CAMTA1: variants seen among roughly 807,000 people sequenced by gnomAD.
The protein encoded by CAMTA1 is calmodulin binding transcription activator 1, also known as calmodulin-binding transcription activator 1.
CAMTA1 carries 27 observed loss-of-function variants against 170.9 expected under a neutral mutation model. That is an observed-to-expected ratio of 0.16 (90% confidence interval 0.12 to 0.22). The LOEUF is 0.22. Ranked by LOEUF, CAMTA1 falls within the 10% of genes least tolerant of loss-of-function variation. The pLI is 1.00. For synonymous variants in CAMTA1, 833 were observed against 891.5 expected (o/e 0.93, Z 1.17); for missense variants, 1,619 against 2,217.2 (o/e 0.73, Z 5.42).
chr1:6,902,937 A>G (rs899939032), intron 3 of CAMTA1, among the ~76,000 whole-genome samples: 2 of 152,236 alleles, frequency 1.3e-5, no homozygotes, highest in African/African-American at 4.8e-5. Flanking sequence ...ATACATGTAC[A>G]CCATGATCCA....
chr1:7,078,377 A>C (rs1639587574), intron 3 of CAMTA1, among the ~76,000 whole-genome samples: 1 of 152,158 alleles, frequency 6.6e-6, no homozygotes, highest in African/African-American at 2.4e-5. Flanking sequence ...GAGGTGAAGG[A>C]GGGTTGGTGT....
At chr1:7,514,525 T>C (rs1367112924) in intron 6 of CAMTA1, among the ~76,000 whole-genome samples, 1 of 152,200 alleles carries the variant, frequency 6.6e-6, no homozygotes, top group Non-Finnish European at 1.5e-5. Flanking sequence ...GGAGGTGGCC[T>C]CCTGGAAAGA....
Position 7,665,058 on chromosome 1 carries a change from G to T in CAMTA1, c.2511G>T (p.Glu837Asp), listed in dbSNP as rs2095989421. 2 of 1,574,138 alleles carry T rather than the reference G, an allele frequency of 1.3e-6. No individual in the cohort carries two copies. The highest frequency in any genetic ancestry group is 4.5e-5 in the East Asian group (2 of 44,486). Residue 837 changes from glutamate (E) to aspartate (D), a missense_variant, in exon 9 of 23, where the codon GAG (glutamate) becomes GAT (aspartate). Transcript: ENST00000303635. This position sits in a 1 kb window ranked among gnomAD's most constrained non-coding sequence, Gnocchi z 4.3. ...GTAGCCTGCAGCTGAGCAGCTCGGA[G>T]GGCGGGGCCAGCACCATGGCCTACA... The part of the protein sequence containing the change: ...QQGSLQLSSS[E>D]GGASTMAYMH...
chr1:7,204,830 C>CTTTTTTTT (rs367812076), intron 4 of CAMTA1, among the ~76,000 whole-genome samples: 200 of 86,774 alleles, frequency 2.3e-3, no homozygotes, highest in Non-Finnish European at 3.0e-3. Flanking sequence ...TTCTTTTTTT[C>CTTTTTTTT]TTTTTTTTTT....
chr1:7,549,424 C>T (rs1335891958), intron 6 of CAMTA1, among the ~76,000 whole-genome samples: 1 of 152,110 alleles, frequency 6.6e-6, no homozygotes, highest in African/African-American at 2.4e-5. Context: ...CCTTGGCCAC[C>T]TCCCTCATCC....
At chr1:6,924,671 T>C (rs1253041693) in intron 3 of CAMTA1, among the ~76,000 whole-genome samples, 2 of 152,320 alleles carry the variant, frequency 1.3e-5, no homozygotes, top group African/African-American at 4.8e-5. Flanking sequence ...GTCAGCTGTA[T>C]TTACTAAGAA....
intron 3 of CAMTA1, among the ~76,000 whole-genome samples, chr1:6,958,316 G>T (rs1319135759): frequency 6.6e-6 from 1 of 152,202 alleles, no homozygotes; most frequent in Non-Finnish European, 1.5e-5. Context: ...CACCAGCAGG[G>T]AGTCATGGCC....
rs1318097492 is a variant in CAMTA1, at chr1:7,561,997, G to T, written c.511-78403G>T. On this transcript the variant is annotated intron_variant, in intron 6 of 22. Coordinates refer to ENST00000303635, the MANE Select transcript of CAMTA1 (RefSeq NM_015215.4). This position sits in a 1 kb window ranked among gnomAD's most constrained non-coding sequence, Gnocchi z 5.3. ...GAAGAGCAAACGCAGTCTCCAGAGA[G>T]ATCATGAGGCTTTCTGCAGACTTTG... 6.6e-6 allele frequency among the ~76,000 whole-genome samples: 1 copy of T among 152,192 alleles called. No homozygotes were observed. The highest frequency in any genetic ancestry group is 2.4e-5 in the African/African-American group (1 of 41,448).
At chr1:7,755,605 A>G in intron 21 of CAMTA1, 33 bp from the exon 22 acceptor site, 2 of 1,587,240 alleles carry the variant, frequency 1.3e-6, no homozygotes, top group Non-Finnish European at 1.7e-6. Context: ...CTCATGTGCT[A>G]ATAGCTCTCT....
chr1:6,821,211 G>A (rs1055395376), intron 2 of CAMTA1, among the ~76,000 whole-genome samples: 4 of 152,110 alleles, frequency 2.6e-5, no homozygotes, highest in African/African-American at 9.7e-5. Flanking sequence ...AAAATCTTTT[G>A]TAGAATTACT....
At chr1:7,000,272 C>T (rs553338678) in intron 3 of CAMTA1, among the ~76,000 whole-genome samples, 3 of 152,380 alleles carry the variant, frequency 2.0e-5, no homozygotes, top group African/African-American at 7.2e-5. Flanking sequence ...AGGACCCACT[C>T]ATGCTTGTCT....
At chr1:7,658,519 C>T (rs1448324866) in intron 7 of CAMTA1, among the ~76,000 whole-genome samples, 1 of 152,184 alleles carries the variant, frequency 6.6e-6, no homozygotes, top group East Asian at 1.9e-4. Context: ...ACTGCCTGTG[C>T]AGCGGTACAG....
At chr1:7,326,969 A>G (rs2082721702) in intron 5 of CAMTA1, among the ~76,000 whole-genome samples, 1 of 152,172 alleles carries the variant, frequency 6.6e-6, no homozygotes, top group African/African-American at 2.4e-5. Context: ...CAAGCGAACA[A>G]AAAAGGATGA....
At chr1:7,329,045 G>C (rs1374252939) in intron 5 of CAMTA1, among the ~76,000 whole-genome samples, 1 of 152,002 alleles carries the variant, frequency 6.6e-6, no homozygotes, top group African/African-American at 2.4e-5. Context: ...CTGCACCAGA[G>C]ACAAAATCAA....
At chr1:6,977,763 C>G (rs957657936) in intron 3 of CAMTA1, among the ~76,000 whole-genome samples, 2 of 152,124 alleles carry the variant, frequency 1.3e-5, no homozygotes, top group African/African-American at 4.8e-5. Flanking sequence ...GAGTGCTTAG[C>G]CTAAGTCACG....
intron 3 of CAMTA1, among the ~76,000 whole-genome samples, chr1:6,895,465 G>C (rs1437143825): frequency 1.3e-5 from 2 of 152,152 alleles, no homozygotes; most frequent in Non-Finnish European, 2.9e-5. Flanking sequence ...GCTCCCCTTG[G>C]AATAGATTCC....
chr1:7,766,358 T>C (rs2097024681), intron 22 of CAMTA1, 101 bp from the exon 23 acceptor site: 1 of 1,072,692 alleles, frequency 9.3e-7, no homozygotes, highest in Non-Finnish European at 1.4e-6. Flanking sequence ...GTTTTAGTCT[T>C]GGCTTTTCAG....
chr1:6,800,002 C>G (rs1256345527), intron 1 of CAMTA1, among the ~76,000 whole-genome samples: 1 of 152,130 alleles, frequency 6.6e-6, no homozygotes, highest in Non-Finnish European at 1.5e-5. Flanking sequence ...AATATGTTGA[C>G]TCAAGCTGTA....
chr1:7,110,863 C>T (rs1558116406), intron 4 of CAMTA1, among the ~76,000 whole-genome samples: 1 of 152,230 alleles, frequency 6.6e-6, no homozygotes, highest in Non-Finnish European at 1.5e-5. Context: ...GTGTCCTCTC[C>T]TCTATGTAAC....
Sources: gnomAD v4.1 joint callset for allele counts (sites outside exome capture counted in the v4.1 genomes callset) on GRCh38, gnomAD v4.1.1 for gene constraint, Gnocchi (gnomAD v3.1) non-coding constraint, MANE v1.5 for transcripts, NCBI Gene and HGNC (gene_info 2026-07-23, HGNC 2026-07-21) for gene names.